The following SNX9 variants were observed in gnomAD, a reference collection of about 807,000 sequenced individuals.
The protein encoded by SNX9 is sorting nexin-9.
SNX9 carries 44 observed loss-of-function variants against 89.4 expected under a neutral mutation model. The ratio of observed to expected loss-of-function variants is 0.49; its 90% CI spans 0.39 to 0.63. SNX9 has a LOEUF of 0.63. SNX9 is among the 30% of genes least tolerant of loss of function. The pLI, the probability that SNX9 is intolerant of heterozygous loss-of-function variation, is 0.00. For synonymous variants in SNX9, 236 were observed against 247.8 expected (o/e 0.95, Z 0.45); for missense variants, 578 against 736.1 (o/e 0.79, Z 2.49).
chr6:157,920,317 T>G (rs766959412), intron 9 of SNX9, among the ~76,000 whole-genome samples: 1 of 152,220 alleles, frequency 6.6e-6, no homozygotes, highest in Non-Finnish European at 1.5e-5. Context: ...ACCTTGGCTA[T>G]CAGGGCTGTT....
Position 157,871,706 on chromosome 6 carries a change from T to C in SNX9, c.100-1396T>C, listed in dbSNP as rs576322417. On this transcript the variant is annotated intron_variant, in intron 2 of 17. Coordinates refer to ENST00000392185, the MANE Select transcript of SNX9 (RefSeq NM_016224.5). ...AATTTTTAAAAATTTTTAAAAATGC[T>C]AGATGTGTATAAGTTAAATAGATTC... is the stretch of plus-strand genomic sequence containing the variant. Among the ~76,000 whole-genome samples, 9 of 151,932 alleles carry C rather than the reference T, an allele frequency of 5.9e-5. No individual in the cohort carries two copies. In the South Asian group the frequency reaches 8.3e-4, roughly 14 times the overall value.
intron 14 of SNX9, 84 bp downstream of exon 14, chr6:157,936,124 C>T (rs529836272): frequency 3.9e-6 from 4 of 1,012,838 alleles, no homozygotes; most frequent in Admixed American, 2.5e-5. Context: ...TTAGGACAAA[C>T]GTCCCAAATA....
chr6:157,906,004 T>A (rs1287713476), intron 6 of SNX9, 124 bp from the exon 7 acceptor site: 1 of 686,140 alleles, frequency 1.5e-6, no homozygotes, highest in Non-Finnish European at 2.4e-6. Flanking sequence ...TTTACCACAG[T>A]TTCCAGTTCT....
chr6:157,870,762 C>T (rs918333318), intron 2 of SNX9, among the ~76,000 whole-genome samples: 1 of 151,236 alleles, frequency 6.6e-6, no homozygotes, highest in Non-Finnish European at 1.5e-5. Flanking sequence ...CAGACACTCA[C>T]CTGCTCTCAC....
chr6:157,902,090 A>G (rs1783111828), intron 6 of SNX9, 45 bp downstream of exon 6: 3 of 1,585,948 alleles, frequency 1.9e-6, no homozygotes, highest in African/African-American at 1.3e-5. Flanking sequence ...TGGTAGAAGT[A>G]TACATTAATA....
chr6:157,825,449 AT>A (rs1781325308), intron 1 of SNX9, among the ~76,000 whole-genome samples: 3 of 152,240 alleles, frequency 2.0e-5, no homozygotes, highest in Middle Eastern at 6.8e-3. Context: ...CCTGAACTTA[AT>A]TTTTTTCCAA....
intron 1 of SNX9, among the ~76,000 whole-genome samples, chr6:157,850,319 G>A (rs953390190): frequency 2.6e-5 from 4 of 152,130 alleles, no homozygotes; most frequent in African/African-American, 7.2e-5. Flanking sequence ...AAGTAGACCC[G>A]GGGCATGTGG....
chr6:157,942,750 GA>G (rs767322526), intron 17 of SNX9, 40 bp from the exon 18 acceptor site: 8 of 1,605,858 alleles, frequency 5.0e-6, no homozygotes, highest in Non-Finnish European at 6.8e-6. Flanking sequence ...GTCGTAATGG[GA>G]GTGATATCTC....
intron 5 of SNX9, among the ~76,000 whole-genome samples, chr6:157,901,571 C>CATGTAGATA (rs1783098388): frequency 4.6e-5 from 7 of 151,800 alleles, no homozygotes; most frequent in African/African-American, 1.7e-4. Flanking sequence ...ACCTGGTTTT[C>CATGTAGATA]CCAGCACGAC....
intron 4 of SNX9, among the ~76,000 whole-genome samples, chr6:157,890,477 G>A (rs1246464447): frequency 6.6e-6 from 1 of 152,194 alleles, no homozygotes; most frequent in Non-Finnish European, 1.5e-5. Flanking sequence ...CGTTAAACCA[G>A]CAAATTGTTA....
intron 1 of SNX9, among the ~76,000 whole-genome samples, chr6:157,837,393 T>G (rs1781607651): frequency 6.6e-6 from 1 of 152,246 alleles, no homozygotes; most frequent in African/African-American, 2.4e-5. Flanking sequence ...GTATAATATG[T>G]TCCTACCGTG....
chr6:157,882,881 C>T (rs1782655175), intron 4 of SNX9, among the ~76,000 whole-genome samples: 2 of 152,272 alleles, frequency 1.3e-5, no homozygotes, highest in South Asian at 4.1e-4. Flanking sequence ...TAGAATATTC[C>T]ATAAACTTAG....
At chr6:157,902,754 A>G (rs920243849) in intron 6 of SNX9, among the ~76,000 whole-genome samples, 1 of 152,058 alleles carries the variant, frequency 6.6e-6, no homozygotes, top group Non-Finnish European at 1.5e-5. Context: ...TGCAACCCCA[A>G]CGTCCCGGGT....
chr6:157,942,696 G>T, intron 17 of SNX9, 95 bp from the exon 18 acceptor site: 1 of 1,316,934 alleles, frequency 7.6e-7, no homozygotes, highest in Non-Finnish European at 1.1e-6. Context: ...TGGAATTTGT[G>T]TCATGTTTAA....
intron 4 of SNX9, among the ~76,000 whole-genome samples, chr6:157,877,425 T>G (rs557568936): frequency 4.7e-4 from 72 of 152,278 alleles, no homozygotes; most frequent in Non-Finnish European, 9.0e-4. Flanking sequence ...CAAGTAAAAA[T>G]ATTTTAACTG....
In SNX9 at chr6:157,875,086, T is replaced by C. The variant is rs1341836714; in HGVS notation, c.210T>C (p.Cys70=). The change falls in exon 4 of 18, where the codon TGT becomes TGC. Residue 70 remains cysteine (C), a synonymous_variant. Transcript: ENST00000392185. ...GTGATGGAAAAGATCAATTTTCTTG[T>C]GGAAATTCAGTGGCTGACCAAGCCT... ...LPSDGKDQFS[C]GNSVADQAFL... 1 of 1,614,054 alleles carries C rather than the reference T, an allele frequency of 6.2e-7. No homozygotes were observed. Among genetic ancestry groups the C allele is most frequent in the Admixed American group, 1.7e-5 (1 of 60,018 alleles).
intron 1 of SNX9, among the ~76,000 whole-genome samples, chr6:157,834,160 T>TGTTTG (rs1781531634): frequency 2.0e-5 from 2 of 98,322 alleles, no homozygotes; most frequent in African/African-American, 9.4e-5. Flanking sequence ...GTTTTTTTTT[T>TGTTTG]TTTTTTTTTT....
Position 157,928,615 on chromosome 6 carries a change from G to C in SNX9, c.1201G>C (p.Ala401Pro). ...DLVEIEQKCE[A>P]VGKFTKAMDD... is the part of the protein sequence containing the mutation. ...CACCCACAGAGAGCAGAAGTGCGAG[G>C]CTGTGGGGAAGTTCACCAAGGCCAT... The change falls in exon 12 of 18, where the codon GCT (alanine) becomes CCT (proline). Residue 401 changes from alanine to proline, a missense_variant. By Grantham distance (27) the Ala-to-Pro change is conservative. Around this residue, in one of 2 missense-constraint regions of SNX9, gnomAD observed 348 missense variants for 491.4 expected, o/e 0.71. Coordinates refer to ENST00000392185, the MANE Select transcript of SNX9 (RefSeq NM_016224.5). 2 of 1,609,826 alleles carry C rather than the reference G, an allele frequency of 1.2e-6. No homozygotes were observed. Among genetic ancestry groups the C allele is most frequent in the Non-Finnish European group, 1.7e-6 (2 of 1,178,290 alleles).
Position 157,890,223 on chromosome 6 carries a change from TCACCA to T in SNX9, c.301-6600_301-6596del, listed in dbSNP as rs558020600. On this transcript the variant is annotated intron_variant, in intron 4 of 17. Coordinates refer to ENST00000392185, the MANE Select transcript of SNX9 (RefSeq NM_016224.5). ...TGTACCATGTGCAGCTTTCCTACACTCACCACACAGCACCACCATGGGTGTGCGTG... is the reference window on the plus strand; with the variant it reads ...TGTACCATGTGCAGCTTTCCTACACTCACAGCACCACCATGGGTGTGCGTG... 7.2e-5 allele frequency among the ~76,000 whole-genome samples: 11 copies of T among 152,304 alleles called. No homozygotes were observed. In the South Asian group the frequency reaches 2.3e-3, roughly 32 times the overall value.
Sources: gnomAD v4.1 joint callset for allele counts (sites outside exome capture counted in the v4.1 genomes callset) on GRCh38, gnomAD v4.1.1 for gene constraint, gnomAD v4.1.1 regional missense constraint, MANE v1.5 for transcripts, NCBI Gene and HGNC (gene_info 2026-07-23, HGNC 2026-07-21) for gene names.